ABCG1: variants seen among roughly 807,000 people sequenced by gnomAD.
ABCG1 encodes the protein ATP binding cassette subfamily G member 1.
A neutral mutation model predicts 69.2 loss-of-function variants in ABCG1; 29 were observed. The ratio of observed to expected loss-of-function variants is 0.42; its 90% CI spans 0.31 to 0.57. The LOEUF (loss-of-function observed/expected upper bound fraction) is 0.57, where lower values mean the gene tolerates loss of function less well. Among genes scored for constraint, ABCG1 ranks in the 20% least tolerant of loss-of-function variants. The probability of loss-of-function intolerance (pLI) is 0.15; values close to 1 mark genes in which losing one functional copy is unlikely to be tolerated. For synonymous variants in ABCG1, 370 were observed against 374.8 expected (o/e 0.99, Z 0.15); for missense variants, 718 against 898.1 (o/e 0.80, Z 2.56).
chr21:42,204,752 C>G (rs561638830), intron 2 of ABCG1, among the ~76,000 whole-genome samples: 2 of 152,270 alleles, frequency 1.3e-5, no homozygotes, highest in East Asian at 3.9e-4. Flanking sequence ...ACAGGCATGA[C>G]AATTGTGTAC....
chr21:42,244,101 G>A (rs952453213), intron 2 of ABCG1, among the ~76,000 whole-genome samples: 16 of 152,060 alleles, frequency 1.1e-4, no homozygotes, highest in Non-Finnish European at 1.6e-4. Context: ...TTACAGGCGT[G>A]AGCCCCCACG....
At chr21:42,293,037 A>G (rs2069105233) in intron 13 of ABCG1, among the ~76,000 whole-genome samples, 1 of 117,624 alleles carries the variant, frequency 8.5e-6, no homozygotes, top group Non-Finnish European at 1.7e-5. Flanking sequence ...ACTACACACT[A>G]CACACCACAC....
chr21:42,249,259 C>T (rs117143545), intron 2 of ABCG1, among the ~76,000 whole-genome samples: 2,411 of 152,146 alleles, frequency 0.016, 27 homozygotes, highest in Non-Finnish European at 0.027. Flanking sequence ...CTGAGATTAC[C>T]GCCTGGCTGG....
intron 2 of ABCG1, among the ~76,000 whole-genome samples, chr21:42,206,376 A>AAATAAAT (rs1173229138): frequency 6.8e-6 from 1 of 146,200 alleles, no homozygotes; most frequent in African/African-American, 2.7e-5. Context: ...ATAAATAAAT[A>AAATAAAT]AATAAATAAA....
At chr21:42,250,298 C>T (rs1048146531) in intron 2 of ABCG1, among the ~76,000 whole-genome samples, 2 of 152,084 alleles carry the variant, frequency 1.3e-5, no homozygotes, top group Non-Finnish European at 2.9e-5. Flanking sequence ...TCTTTGGGGA[C>T]TTTGGTGCTT....
chr21:42,265,572 G>A (rs1033988816), intron 2 of ABCG1, among the ~76,000 whole-genome samples: 3 of 152,180 alleles, frequency 2.0e-5, no homozygotes, highest in Admixed American at 6.5e-5. Flanking sequence ...AGAGACAGGG[G>A]AGGTCCTCCC....
At chr21:42,241,083 A>T (rs2123596602) in intron 2 of ABCG1, among the ~76,000 whole-genome samples, 1 of 152,376 alleles carries the variant, frequency 6.6e-6, no homozygotes, top group East Asian at 1.9e-4. Flanking sequence ...GGTGAATAGC[A>T]TGTTGGTCTC....
intron 2 of ABCG1, among the ~76,000 whole-genome samples, chr21:42,268,397 G>C (rs185223322): frequency 1.3e-5 from 2 of 151,896 alleles, no homozygotes; most frequent in Non-Finnish European, 2.9e-5. Context: ...GTGCGCGCGC[G>C]CGCTGGATAC....
upstream of ABCG1, among the ~76,000 whole-genome samples, chr21:42,212,878 A>G (rs1024873812): frequency 6.6e-6 from 1 of 152,022 alleles, no homozygotes; most frequent in Non-Finnish European, 1.5e-5. Context: ...TATTTTTAGT[A>G]GAGATGGGGT....
chr21:42,272,845 C>T (rs1275716304), intron 3 of ABCG1, among the ~76,000 whole-genome samples: 1 of 152,244 alleles, frequency 6.6e-6, no homozygotes, highest in African/African-American at 2.4e-5. Flanking sequence ...TCTGCTCCTT[C>T]CCAGGCCTGA....
chr21:42,209,222 A>C (rs573083939), intron 2 of ABCG1, among the ~76,000 whole-genome samples: 2 of 152,356 alleles, frequency 1.3e-5, no homozygotes, highest in South Asian at 4.1e-4. Flanking sequence ...GGCACAGATC[A>C]TCTGACTGAT....
At chr21:42,247,923 C>T (rs773324400) in intron 2 of ABCG1, among the ~76,000 whole-genome samples, 3 of 152,134 alleles carry the variant, frequency 2.0e-5, no homozygotes, top group Non-Finnish European at 4.4e-5. Flanking sequence ...GAAGGACCCT[C>T]CCCTGGAGCC....
rs759517508 is a variant in ABCG1, at chr21:42,238,467, G to A, written c.286+12553G>A. 7.0e-4 allele frequency among the ~76,000 whole-genome samples: 107 copies of A among 152,202 alleles called. 1 individual carries two copies. The highest frequency in any genetic ancestry group is 2.6e-3 in the African/African-American group (106 of 41,516). ...GCTCATATTATGACTAATTTCAGACGCGTTAAATCCCTCTATCTTGAGACT... is the reference window on the plus strand; with the variant it reads ...GCTCATATTATGACTAATTTCAGACACGTTAAATCCCTCTATCTTGAGACT... On this transcript the variant is annotated intron_variant, in intron 2 of 14. Transcript: ENST00000398449.
chr21:42,294,066 C>G (rs1401367966), intron 13 of ABCG1, among the ~76,000 whole-genome samples: 1 of 152,080 alleles, frequency 6.6e-6, no homozygotes, highest in Admixed American at 6.6e-5. Flanking sequence ...TGAGTCGCGG[C>G]GGTTGCTTCG....
chr21:42,235,165 C>T (rs180906329), intron 2 of ABCG1, among the ~76,000 whole-genome samples: 1 of 152,332 alleles, frequency 6.6e-6, no homozygotes, highest in African/African-American at 2.4e-5. Flanking sequence ...TAGGAAGGGT[C>T]GCCAGTGTGG....
chr21:42,248,471 G>A lies in ABCG1; in HGVS notation c.286+22557G>A, dbSNP rs373713658. ...AGACGTTGTTTGGCTTCATGAAGCTGAGTTGAAGATACGCACCCTCTGTGG... is the reference window on the plus strand; with the variant it reads ...AGACGTTGTTTGGCTTCATGAAGCTAAGTTGAAGATACGCACCCTCTGTGG... On this transcript the variant is annotated intron_variant, in intron 2 of 14. Transcript: ENST00000398449. Among the ~76,000 whole-genome samples the A allele has an allele frequency of 9.2e-5, 14 of 152,318 alleles. 1 individual carries two copies. Among genetic ancestry groups the A allele is most frequent in the Admixed American group, 2.0e-4 (3 of 15,308 alleles).
At chr21:42,220,499 A>G (rs558907880) in intron 1 of ABCG1, among the ~76,000 whole-genome samples, 1 of 152,330 alleles carries the variant, frequency 6.6e-6, no homozygotes, top group Admixed American at 6.5e-5. Flanking sequence ...AGGTTACTGT[A>G]GAACATACGG....
upstream of ABCG1, among the ~76,000 whole-genome samples, chr21:42,216,660 G>A (rs1222548938): frequency 2.0e-5 from 3 of 152,158 alleles, no homozygotes; most frequent in South Asian, 6.2e-4. Flanking sequence ...CAGGGGCTGA[G>A]GACAGAGTAG....
intron 6 of ABCG1, among the ~76,000 whole-genome samples, chr21:42,283,126 C>A (rs976898365): frequency 5.9e-5 from 9 of 152,306 alleles, no homozygotes; most frequent in Middle Eastern, 6.8e-3. Flanking sequence ...TGACTTCAGC[C>A]AGACTTTACG....
Sources: gnomAD v4.1 joint callset for allele counts (sites outside exome capture counted in the v4.1 genomes callset) on GRCh38, gnomAD v4.1.1 for gene constraint, MANE v1.5 for transcripts, NCBI Gene and HGNC (gene_info 2026-07-23, HGNC 2026-07-21) for gene names.